Variants in SHANK2 observed in about 807,000 individuals in gnomAD.
SHANK2 encodes SH3 and multiple ankyrin repeat domains 2.
A neutral mutation model predicts 133.7 loss-of-function variants in SHANK2; 43 were observed. The observed-to-expected ratio is 0.32, with a 90% CI of 0.25 to 0.41. The LOEUF is 0.41. SHANK2 is among the 10% of genes least tolerant of loss of function. The pLI, the probability that SHANK2 is intolerant of heterozygous loss-of-function variation, is 1.00. For synonymous variants in SHANK2, 1,017 were observed against 952.8 expected (o/e 1.07, Z -1.24); for missense variants, 1,994 against 2,235.8 (o/e 0.89, Z 2.18).
At chr11:71,172,340 G>T (rs147804230) in intron 2 of SHANK2, among the ~76,000 whole-genome samples, 5 of 152,162 alleles carry the variant, frequency 3.3e-5, no homozygotes, top group Admixed American at 6.5e-5. Flanking sequence ...CGCCGGGCAC[G>T]GTGGCTCACA....
chr11:70,721,434 A>G (rs1228010653), intron 14 of SHANK2, among the ~76,000 whole-genome samples: 1 of 152,240 alleles, frequency 6.6e-6, no homozygotes, highest in African/African-American at 2.4e-5. Flanking sequence ...GGCCGTGTGT[A>G]CAGGAGCTGG....
chr11:71,064,801 C>T (rs1298980491), intron 9 of SHANK2, among the ~76,000 whole-genome samples: 2 of 151,856 alleles, frequency 1.3e-5, no homozygotes, highest in East Asian at 1.9e-4. Flanking sequence ...AGGGGAAGGG[C>T]GTTATTTACA....
chr11:71,096,147 C>A (rs1439018690), intron 6 of SHANK2, among the ~76,000 whole-genome samples: 2 of 152,240 alleles, frequency 1.3e-5, no homozygotes, highest in East Asian at 3.8e-4. Context: ...GGCTTCCTGT[C>A]TTCCCCAACT....
At position 70,703,429 on chromosome 11, in the gene SHANK2, G is replaced by C. The variant is rs546660966; in HGVS notation, c.1778-4666C>G. On this transcript the variant is annotated intron_variant, in intron 14 of 25. Transcript: ENST00000601538. ...CTGTGGAGGTGCCCTCAGCAGCCTC[G>C]GTTTCTAACCTGGAAAAAGCGGGGT... Among the ~76,000 whole-genome samples, 15 of 152,276 alleles carry C rather than the reference G, an allele frequency of 9.9e-5. No individual in the cohort carries two copies. In the South Asian group the frequency reaches 3.1e-3, roughly 32 times the overall value.
chr11:70,753,768 C>T (rs1205010340), intron 14 of SHANK2, among the ~76,000 whole-genome samples: 2 of 128,222 alleles, frequency 1.6e-5, no homozygotes, highest in Non-Finnish European at 3.4e-5. Context: ...CCAGAACTCA[C>T]CTAGGAAGGA....
intron 17 of SHANK2, among the ~76,000 whole-genome samples, chr11:70,613,736 G>A (rs2136402617): frequency 6.7e-6 from 1 of 148,434 alleles, no homozygotes; most frequent in East Asian, 2.0e-4. Context: ...TCCAATGACT[G>A]CTGTCCTTGT....
intron 14 of SHANK2, among the ~76,000 whole-genome samples, chr11:70,738,348 C>T (rs1259228114): frequency 6.6e-6 from 1 of 152,088 alleles, no homozygotes; most frequent in Admixed American, 6.5e-5. Flanking sequence ...GTGCACCAAC[C>T]CCAACCATAA....
intron 2 of SHANK2, among the ~76,000 whole-genome samples, chr11:71,169,278 A>G (rs2135501744): frequency 6.6e-6 from 1 of 152,348 alleles, no homozygotes; most frequent in South Asian, 2.1e-4. Flanking sequence ...GACATTTATC[A>G]GAAATAGCTC....
At chr11:71,140,135 T>C (rs1952526019) in intron 3 of SHANK2, among the ~76,000 whole-genome samples, 1 of 152,196 alleles carries the variant, frequency 6.6e-6, no homozygotes, top group South Asian at 2.1e-4. Context: ...ACGGGAACAA[T>C]GTCTGCTTTG....
chr11:70,492,325 G>A lies in SHANK2; in HGVS notation c.2439+10C>T, dbSNP rs782522531. On this transcript the variant is annotated intron_variant, in intron 22 of 25. Transcript: ENST00000601538. ...CCCCGCCCTCGTGGTCCCAAGGTAC[G>A]GCCACTCACGTTCATGTCTGAGCCC... 3.7e-6 allele frequency: 6 copies of A among 1,609,512 alleles called. No individual in the cohort carries two copies. In the Admixed American group the frequency reaches 5.0e-5, roughly 13 times the overall value.
intron 17 of SHANK2, among the ~76,000 whole-genome samples, chr11:70,543,802 TGG>T (rs1375321777): frequency 2.0e-4 from 30 of 152,322 alleles, no homozygotes; most frequent in Non-Finnish European, 5.9e-5. Flanking sequence ...GCAAAGGACG[TGG>T]GGCCCATCTT....
At position 70,913,165 on chromosome 11, in the gene SHANK2, C is replaced by T. The variant is rs782611576; in HGVS notation, c.1108-16598G>A. ...TAAATAAATTCAGGTTAGGTCATGTCGTTTAGAAAAAAAGGCATTCAATTT... is the reference window on the plus strand; with the variant it reads ...TAAATAAATTCAGGTTAGGTCATGTTGTTTAGAAAAAAAGGCATTCAATTT... On this transcript the variant is annotated intron_variant, in intron 10 of 25. Transcript: ENST00000601538. Among the ~76,000 whole-genome samples the T allele has an allele frequency of 4.6e-5, 7 of 151,158 alleles. No homozygotes were observed. In the South Asian group the frequency reaches 8.3e-4, roughly 18 times the overall value.
At chr11:70,550,733 C>T (rs1434843725) in intron 17 of SHANK2, among the ~76,000 whole-genome samples, 1 of 152,192 alleles carries the variant, frequency 6.6e-6, no homozygotes, top group East Asian at 1.9e-4. Flanking sequence ...GTAGGCTCAG[C>T]GCCCAAACCT....
At chr11:71,133,345 C>CGTGGCTGGCTGG (rs1952362598) in intron 3 of SHANK2, among the ~76,000 whole-genome samples, 1 of 33,358 alleles carries the variant, frequency 3.0e-5, no homozygotes, top group Non-Finnish European at 5.3e-5. Flanking sequence ...TGGGAGGATG[C>CGTGGCTGGCTGG]ATGGCTGGCT....
chr11:71,085,387 C>T (rs1951364635), intron 8 of SHANK2, among the ~76,000 whole-genome samples: 2 of 146,220 alleles, frequency 1.4e-5, no homozygotes, highest in South Asian at 4.2e-4. Context: ...ACTCAGGAGG[C>T]GGAGGTTGCA....
In SHANK2 at chr11:70,472,827, A is replaced by G; in HGVS notation, c.*42T>C. 6.3e-7 allele frequency: 1 copy of G among 1,580,974 alleles called. No homozygotes were observed. The highest frequency in any genetic ancestry group is 8.7e-7 in the Non-Finnish European group (1 of 1,149,772). On this transcript the variant is annotated 3_prime_UTR_variant, in exon 26 of 26. Coordinates refer to ENST00000601538, the MANE Select transcript of SHANK2 (RefSeq NM_012309.5). This position sits in a 1 kb window ranked among gnomAD's most constrained non-coding sequence, Gnocchi z 4.4. ...GATGTTTCAGCACGAGCCCATCTCT[A>G]CTTATAACAAGAGCAGTCTGCGAGG...
chr11:71,107,537 A>G (rs1218796022), intron 6 of SHANK2, among the ~76,000 whole-genome samples: 6 of 152,224 alleles, frequency 3.9e-5, no homozygotes, highest in Non-Finnish European at 8.8e-5. Flanking sequence ...TCCACAGATC[A>G]GGTTCCCGAG....
At position 71,094,593 on chromosome 11, in the gene SHANK2, C is replaced by T; in HGVS notation, c.688G>A (p.Asp230Asn). The T allele has an allele frequency of 6.4e-7, 1 of 1,551,694 alleles. No homozygotes were observed. The highest frequency in any genetic ancestry group is 8.7e-7 in the Non-Finnish European group (1 of 1,146,986). The change falls in exon 7 of 26, where the codon GAT (aspartate) becomes AAT (asparagine). Residue 230 changes from aspartate (D) to asparagine (N), a missense_variant. This residue lies in a region of SHANK2 where 653 missense variants were observed against 563.4 expected (regional missense o/e 1.16). Transcript: ENST00000601538. ...GCTTTGTGTAGGGCGGTCATCCCAT[C>T]TTTGGCACGGAAGTCCAGGTGAGCT... ...GGAHLDFRAK[D>N]GMTALHKAAR...
At chr11:70,938,464 G>A (rs1950600343) in intron 10 of SHANK2, among the ~76,000 whole-genome samples, 1 of 152,194 alleles carries the variant, frequency 6.6e-6, no homozygotes, top group South Asian at 2.1e-4. Flanking sequence ...AGGGATTACT[G>A]AAACAAAAGA....
Sources: gnomAD v4.1 joint callset for allele counts (sites outside exome capture counted in the v4.1 genomes callset) on GRCh38, gnomAD v4.1.1 for gene constraint, gnomAD v4.1.1 regional missense constraint, Gnocchi (gnomAD v3.1) non-coding constraint, MANE v1.5 for transcripts, NCBI Gene and HGNC (gene_info 2026-07-23, HGNC 2026-07-21) for gene names.